The following USH2A variants were observed in gnomAD, a reference collection of about 807,000 sequenced individuals.
USH2A encodes Usher syndrome 2A (autosomal recessive, mild).
In USH2A, 443 loss-of-function variants were observed where a neutral mutation model predicts 538.9. The observed-to-expected ratio is 0.82, with a 90% CI of 0.76 to 0.89. USH2A has a LOEUF of 0.89. Among genes scored for constraint, USH2A ranks in the 40% least tolerant of loss-of-function variants. The probability of loss-of-function intolerance (pLI) is 0.00; values close to 1 mark genes in which losing one functional copy is unlikely to be tolerated. For synonymous variants in USH2A, 2,413 were observed against 2,273.5 expected, an observed-to-expected ratio of 1.06 and a Z score of -1.75; for missense variants, 6,633 against 6,324.8, an observed-to-expected ratio of 1.05 and a Z score of -1.65.
intron 3 of USH2A, among the ~76,000 whole-genome samples, chr1:216,376,973 A>G (rs773468049): frequency 3.9e-5 from 6 of 152,186 alleles, no homozygotes; most frequent in Non-Finnish European, 5.9e-5. Context: ...TAAATAATGT[A>G]TTAATTTTAT....
chr1:215,798,561 G>A (rs1662207029), intron 50 of USH2A, among the ~76,000 whole-genome samples: 2 of 152,050 alleles, frequency 1.3e-5, no homozygotes, highest in Admixed American at 1.3e-4. Context: ...TAGAATAAGG[G>A]AGTAAAAGAA....
At chr1:216,149,759 A>T (rs2102618906) in intron 21 of USH2A, among the ~76,000 whole-genome samples, 1 of 152,206 alleles carries the variant, frequency 6.6e-6, no homozygotes. Flanking sequence ...TAGCTGGACG[A>T]TCAGTTCTTG....
chr1:215,826,086 G>C (rs1021038251), intron 47 of USH2A, among the ~76,000 whole-genome samples: 1 of 152,148 alleles, frequency 6.6e-6, no homozygotes, highest in Non-Finnish European at 1.5e-5. Context: ...GCAATGAAAG[G>C]TTAAGCCTAG....
chr1:215,970,567 A>C (rs767736338), intron 36 of USH2A, 58 bp downstream of exon 36: 14 of 1,608,436 alleles, frequency 8.7e-6, no homozygotes, highest in Non-Finnish European at 1.2e-5. Context: ...CTTCTTCCTT[A>C]ATATTCAGTG....
At chr1:215,996,280 T>C (rs1009125926) in intron 34 of USH2A, among the ~76,000 whole-genome samples, 5 of 152,140 alleles carry the variant, frequency 3.3e-5, no homozygotes, top group Admixed American at 1.3e-4. Context: ...GAGTGCAACA[T>C]ATTTTAAAGC....
At chr1:215,651,031 A>G (rs963671000) in intron 64 of USH2A, among the ~76,000 whole-genome samples, 5 of 152,122 alleles carry the variant, frequency 3.3e-5, no homozygotes, top group African/African-American at 9.7e-5. Flanking sequence ...ATGTGAACAC[A>G]AAGGGGGCCG....
chr1:216,207,250 T>C (rs761895742), intron 16 of USH2A, 23 bp downstream of exon 16: 8 of 1,613,536 alleles, frequency 5.0e-6, no homozygotes, highest in Middle Eastern at 3.3e-4. Flanking sequence ...TATTTATTTC[T>C]ATTACCAAAC....
At position 215,728,235 on chromosome 1, in the gene USH2A, A is replaced by T; in HGVS notation, c.11861T>A (p.Leu3954Gln). ...ACNSKGSVES[L>Q]WSLTQTLEAP... ...TTCCAGAGTTTGTGTTAATGACCAC[A>T]GACTCTCCACTGAACCCTTGGAGTT... The change falls in exon 61 of 72, where the codon CTG becomes CAG. Residue 3954 changes from leucine (L) to glutamine (Q), a missense_variant. Coordinates refer to ENST00000307340, the MANE Select transcript of USH2A (RefSeq NM_206933.4). The T allele has an allele frequency of 6.2e-7, 1 of 1,614,196 alleles. No individual in the cohort carries two copies. Among genetic ancestry groups the T allele is most frequent in the East Asian group, 2.2e-5 (1 of 44,864 alleles).
intron 21 of USH2A, among the ~76,000 whole-genome samples, chr1:216,112,013 ACTTTTT>A (rs1394206815): frequency 2.0e-5 from 3 of 151,998 alleles, no homozygotes; most frequent in South Asian, 2.1e-4. Context: ...AATTAGAAAA[ACTTTTT>A]CTTTTTACTT....
At chr1:215,793,568 C>CA (rs71646414) in intron 50 of USH2A, among the ~76,000 whole-genome samples, 2,029 of 149,570 alleles carry the variant, frequency 0.014, 31 homozygotes, top group African/African-American at 0.045. Flanking sequence ...TTACACTTTT[C>CA]AAAAAAAAAA....
intron 11 of USH2A, 69 bp downstream of exon 11, chr1:216,289,211 G>A (rs2102606067): frequency 6.2e-7 from 1 of 1,604,746 alleles, no homozygotes; most frequent in South Asian, 1.1e-5. Flanking sequence ...TTCTACTAGT[G>A]GAATAACATC....
Position 215,782,954 on chromosome 1 carries a change from G to A in USH2A, c.10388-19C>T, listed in dbSNP as rs1661690397. 6.2e-7 allele frequency: 1 copy of A among 1,607,178 alleles called. No individual in the cohort carries two copies. The highest frequency in any genetic ancestry group is 1.3e-5 in the African/African-American group (1 of 74,706). On this transcript the variant is annotated intron_variant, in intron 52 of 71. Coordinates refer to ENST00000307340, the MANE Select transcript of USH2A (RefSeq NM_206933.4). Reference sequence around the variant, plus strand: ...TTCACATCTGGAAAGAGAAAAAATAGACAGGGAAGTTTCTCTTATTTTCAT... The same window carrying A: ...TTCACATCTGGAAAGAGAAAAAATAAACAGGGAAGTTTCTCTTATTTTCAT...
At chr1:216,032,211 G>T (rs1430342320) in intron 32 of USH2A, among the ~76,000 whole-genome samples, 1 of 151,916 alleles carries the variant, frequency 6.6e-6, no homozygotes, top group Non-Finnish European at 1.5e-5. Context: ...TGCATGCAGA[G>T]GATGTTTTGC....
At chr1:216,363,186 A>G (rs1195774383) in intron 4 of USH2A, among the ~76,000 whole-genome samples, 3 of 152,094 alleles carry the variant, frequency 2.0e-5, no homozygotes, top group African/African-American at 4.8e-5. Context: ...CAAGAAAGAG[A>G]AAATATAGTT....
chr1:215,820,373 G>A (rs1186374982), intron 47 of USH2A, among the ~76,000 whole-genome samples: 1 of 151,528 alleles, frequency 6.6e-6, no homozygotes, highest in Non-Finnish European at 1.5e-5. Context: ...TCCTCTGAAA[G>A]TAACAGGCTT....
intron 50 of USH2A, among the ~76,000 whole-genome samples, chr1:215,793,546 A>G (rs1432530036): frequency 6.6e-6 from 1 of 151,634 alleles, no homozygotes; most frequent in Non-Finnish European, 1.5e-5. Context: ...TACATTTTAT[A>G]GCACTGATAT....
chr1:215,852,311 C>A (rs1015934023), intron 44 of USH2A, among the ~76,000 whole-genome samples: 2 of 152,140 alleles, frequency 1.3e-5, no homozygotes, highest in African/African-American at 4.8e-5. Context: ...CATCAGATCT[C>A]ATCAGACTTA....
chr1:215,736,319 A>T (rs891839967), intron 60 of USH2A, among the ~76,000 whole-genome samples: 3 of 152,142 alleles, frequency 2.0e-5, no homozygotes, highest in Admixed American at 1.3e-4. Context: ...TATTGATTTT[A>T]TTCACTTATC....
intron 37 of USH2A, among the ~76,000 whole-genome samples, chr1:215,956,722 A>G (rs567793816): frequency 2.0e-5 from 3 of 152,302 alleles, no homozygotes; most frequent in Non-Finnish European, 4.4e-5. Context: ...GCACTTGTTC[A>G]TTATGTCAAG....
Sources: gnomAD v4.1 joint callset for allele counts (sites outside exome capture counted in the v4.1 genomes callset) on GRCh38, gnomAD v4.1.1 for gene constraint, MANE v1.5 for transcripts, NCBI Gene and HGNC (gene_info 2026-07-23, HGNC 2026-07-21) for gene names.